The following CYTH1 variants were observed in gnomAD, a reference collection of about 807,000 sequenced individuals.
CYTH1 encodes cytohesin 1.
CYTH1 carries 18 observed loss-of-function variants against 61.8 expected under a neutral mutation model. The ratio of observed to expected loss-of-function variants is 0.29; its 90% CI spans 0.20 to 0.43. CYTH1 has a LOEUF of 0.43. Among genes scored for constraint, CYTH1 ranks in the 20% least tolerant of loss-of-function variants. The pLI, the probability that CYTH1 is intolerant of heterozygous loss-of-function variation, is 1.00. For missense variants in CYTH1, 336 were observed against 510.5 expected (o/e 0.66, Z 3.29); for synonymous variants, 174 against 184.3 (o/e 0.94, Z 0.45).
chr17:78,731,755 C>CAAAAA (rs376349109), intron 1 of CYTH1, among the ~76,000 whole-genome samples: 2 of 73,684 alleles, frequency 2.7e-5, no homozygotes, highest in Admixed American at 1.3e-4. Context: ...GACTCCGTCT[C>CAAAAA]AAAAAAAAAA....
chr17:78,729,811 C>G (rs1342846353), intron 1 of CYTH1, among the ~76,000 whole-genome samples: 1 of 152,174 alleles, frequency 6.6e-6, no homozygotes. Flanking sequence ...GTAACACCTA[C>G]GCTTGCTAAA....
chr17:78,691,239 A>C (rs1056201865), intron 11 of CYTH1: 1 of 152,248 alleles, frequency 6.6e-6, no homozygotes, highest in Non-Finnish European at 1.5e-5. Flanking sequence ...TCAGTCACCA[A>C]ACCATCAGAA....
chr17:78,738,664 T>C (rs1273595818), intron 1 of CYTH1, among the ~76,000 whole-genome samples: 1 of 152,160 alleles, frequency 6.6e-6, no homozygotes, highest in Non-Finnish European at 1.5e-5. Context: ...AGGCAATTAA[T>C]ATAAACCCAA....
At chr17:78,736,410 TTC>T (rs139680120) in intron 1 of CYTH1, among the ~76,000 whole-genome samples, 2,207 of 151,580 alleles carry the variant, frequency 0.015, 46 homozygotes, top group African/African-American at 0.048. Flanking sequence ...TTCTCGCTCT[TTC>T]TCTCTCTCTC....
At chr17:78,718,892 C>T (rs1179394175) in intron 1 of CYTH1, among the ~76,000 whole-genome samples, 1 of 152,208 alleles carries the variant, frequency 6.6e-6, no homozygotes, top group African/African-American at 2.4e-5. Context: ...TCCTCTTTTG[C>T]TTCTTTCTAA....
intron 1 of CYTH1, among the ~76,000 whole-genome samples, chr17:78,721,157 C>G (rs2093225085): frequency 6.6e-6 from 1 of 152,096 alleles, no homozygotes; most frequent in African/African-American, 2.4e-5. Context: ...TGGTGAAACC[C>G]TGTCTCTACT....
chr17:78,734,273 C>T (rs2093309536), intron 1 of CYTH1, among the ~76,000 whole-genome samples: 1 of 151,538 alleles, frequency 6.6e-6, no homozygotes, highest in African/African-American at 2.4e-5. Flanking sequence ...GGGGGACTGA[C>T]ATTAACAAGA....
chr17:78,676,253 C>G, intron 13 of CYTH1, 84 bp from the exon 14 acceptor site: 2 of 1,384,780 alleles, frequency 1.4e-6, no homozygotes, highest in Non-Finnish European at 2.0e-6. Flanking sequence ...CTCAGGGGCC[C>G]CTCGTGCCCC....
intron 1 of CYTH1, among the ~76,000 whole-genome samples, chr17:78,710,641 C>T (rs963363010): frequency 1.3e-5 from 2 of 152,330 alleles, no homozygotes; most frequent in Non-Finnish European, 2.9e-5. Flanking sequence ...TTATGTAACC[C>T]ACTTGGGTCA....
chr17:78,779,690 G>C (rs2093508916), intron 1 of CYTH1, among the ~76,000 whole-genome samples: 1 of 152,190 alleles, frequency 6.6e-6, no homozygotes, highest in South Asian at 2.1e-4. Context: ...TGCTGGCTTT[G>C]AAGATGGAAA....
intron 1 of CYTH1, among the ~76,000 whole-genome samples, chr17:78,722,694 G>A (rs2093239353): frequency 6.6e-6 from 1 of 152,150 alleles, no homozygotes; most frequent in Non-Finnish European, 1.5e-5. Context: ...GTAATGCTCT[G>A]AATTTTTCTG....
intron 1 of CYTH1, among the ~76,000 whole-genome samples, chr17:78,724,450 C>T (rs1439821077): frequency 1.3e-5 from 2 of 152,200 alleles, no homozygotes; most frequent in African/African-American, 4.8e-5. Flanking sequence ...GCATTACTGG[C>T]ACAGGGAGCA....
intron 11 of CYTH1, among the ~76,000 whole-genome samples, chr17:78,690,241 A>G (rs2092865041): frequency 6.6e-6 from 1 of 151,478 alleles, no homozygotes; most frequent in Admixed American, 6.6e-5. Flanking sequence ...TAAAAATACA[A>G]AAAATTAGCT....
chr17:78,765,686 T>C (rs1207312187), intron 1 of CYTH1, among the ~76,000 whole-genome samples: 4 of 151,924 alleles, frequency 2.6e-5, no homozygotes, highest in Non-Finnish European at 5.9e-5. Context: ...CCCCAGATGG[T>C]CCCCCAGAAG....
At chr17:78,781,432 G>A (rs1328506809) in intron 1 of CYTH1, among the ~76,000 whole-genome samples, 1 of 152,202 alleles carries the variant, frequency 6.6e-6, no homozygotes, top group Non-Finnish European at 1.5e-5. Context: ...GCCTCAACGC[G>A]CGGGAGCGAA....
intron 1 of CYTH1, among the ~76,000 whole-genome samples, chr17:78,746,486 G>A (rs1314922830): frequency 2.0e-5 from 3 of 152,064 alleles, no homozygotes; most frequent in Non-Finnish European, 2.9e-5. Flanking sequence ...GTGACAGTGC[G>A]GCGACCGAGT....
intron 1 of CYTH1, among the ~76,000 whole-genome samples, chr17:78,757,837 G>C (rs2093407811): frequency 6.6e-6 from 1 of 151,810 alleles, no homozygotes; most frequent in South Asian, 2.1e-4. Flanking sequence ...GCTTGAACCA[G>C]GGAGGTGGAG....
intron 1 of CYTH1, among the ~76,000 whole-genome samples, chr17:78,720,892 A>G (rs893855795): frequency 3.9e-5 from 6 of 152,144 alleles, no homozygotes; most frequent in African/African-American, 1.4e-4. Flanking sequence ...TAAAAATATA[A>G]AATAAACAAA....
At chr17:78,733,889 A>C (rs1271135311) in intron 1 of CYTH1, among the ~76,000 whole-genome samples, 1 of 152,244 alleles carries the variant, frequency 6.6e-6, no homozygotes, top group Non-Finnish European at 1.5e-5. Flanking sequence ...TCTGCCTGTG[A>C]AGGGCCTCAG....
Sources: allele counts gnomAD v4.1 joint callset (sites outside exome capture counted in the v4.1 genomes callset), GRCh38; gene constraint gnomAD v4.1.1; transcripts MANE v1.5; gene names NCBI Gene and HGNC (gene_info 2026-07-23, HGNC 2026-07-21).